Variants in ASMTL observed in about 807,000 individuals in gnomAD.
ASMTL encodes the protein acetylserotonin O-methyltransferase like, also known as probable bifunctional dTTP/UTP pyrophosphatase/methyltransferase protein.
Under a neutral mutation model 60.3 loss-of-function variants are expected in ASMTL, and 57 were observed. That is an observed-to-expected ratio of 0.95 (90% CI 0.76 to 1.18). The LOEUF (loss-of-function observed/expected upper bound fraction) is 1.18. Among genes scored for constraint, ASMTL ranks in the 50% most tolerant of loss-of-function variants. ASMTL has a pLI of 0.00. For missense variants in ASMTL, 981 were observed against 852.6 expected (o/e 1.15, Z -1.88); for synonymous variants, 419 against 373.0 (o/e 1.12, Z -1.42).
In ASMTL at chrX:1,421,653, G is replaced by A; in HGVS notation, c.1245+5C>T. ...GGAAAGGTGTCCGCGGGGGTGTTAT[G>A]CTACCTGGAACAGATCTTCCGCCTT... On this transcript the variant is annotated splice_donor_5th_base_variant and intron_variant, in intron 9 of 12. Coordinates refer to ENST00000381317, the MANE Select transcript of ASMTL (RefSeq NM_004192.4). 6.2e-7 allele frequency: 1 copy of A among 1,613,860 alleles called. No individual in the cohort carries two copies. Among genetic ancestry groups the A allele is most frequent in the South Asian group, 1.1e-5 (1 of 91,064 alleles).
intron 11 of ASMTL, among the ~76,000 whole-genome samples, chrX:1,414,568 C>T (rs765153246): frequency 4.6e-5 from 7 of 152,114 alleles, no homozygotes; most frequent in East Asian, 1.9e-4. Context: ...GTTAGCCAGG[C>T]GTGGTGGCGG....
At chrX:1,416,603 C>T (rs1187260046) in intron 11 of ASMTL, among the ~76,000 whole-genome samples, 1 of 119,646 alleles carries the variant, frequency 8.4e-6, no homozygotes, top group Non-Finnish European at 1.9e-5. Context: ...ACACATATAC[C>T]CACACAGACG....
rs1411562586 is a variant in ASMTL, at chrX:1,428,135, G to A, written c.510-14C>T. On this transcript the variant is annotated splice_polypyrimidine_tract_variant and intron_variant, in intron 6 of 12. Coordinates refer to ENST00000381317, the MANE Select transcript of ASMTL (RefSeq NM_004192.4). ...CCAGCTTTGTCCCTGGGTGGGCAGG[G>A]GAAGGTAAGAGGTGACAAGGAGGAG... 1 of 1,594,596 alleles carries A rather than the reference G, an allele frequency of 6.3e-7. No individual in the cohort carries two copies. The highest frequency in any genetic ancestry group is 8.6e-7 in the Non-Finnish European group (1 of 1,166,818).
intron 5 of ASMTL, among the ~76,000 whole-genome samples, chrX:1,432,600 C>T (rs1475268567): frequency 1.3e-5 from 2 of 152,178 alleles, no homozygotes; most frequent in African/African-American, 2.4e-5. Flanking sequence ...GAGGCCGAGG[C>T]GGGTGGATCA....
chrX:1,418,141 T>A, intron 10 of ASMTL, 25 bp from the exon 11 acceptor site: 1 of 1,571,996 alleles, frequency 6.4e-7, no homozygotes, highest in East Asian at 2.3e-5. Context: ...ATGCATGCTC[T>A]GTGGCTGGGT....
intron 3 of ASMTL, among the ~76,000 whole-genome samples, chrX:1,437,284 T>C (rs753735302): frequency 6.6e-6 from 1 of 151,802 alleles, no homozygotes; most frequent in South Asian, 2.1e-4. Flanking sequence ...TCTGTGTGTG[T>C]CTGTGTCCTT....
At chrX:1,431,960 C>G in intron 6 of ASMTL, 2 of 440,294 alleles carry the variant, frequency 4.5e-6, no homozygotes, top group East Asian at 4.0e-5. Flanking sequence ...GGGCACAGAC[C>G]TCTGGGGTCT....
At chrX:1,416,758 GAC>G (rs1361137541) in intron 11 of ASMTL, among the ~76,000 whole-genome samples, 15 of 116,308 alleles carry the variant, frequency 1.3e-4, no homozygotes, top group African/African-American at 3.2e-4. Flanking sequence ...TGCACACACA[GAC>G]ACATGCACAC....
chrX:1,451,839 C>T (rs1428249503), intron 1 of ASMTL, among the ~76,000 whole-genome samples: 2 of 147,436 alleles, frequency 1.4e-5, no homozygotes, highest in African/African-American at 2.5e-5. Context: ...TTACTCTCCC[C>T]ATCCCCATCC....
intron 6 of ASMTL, among the ~76,000 whole-genome samples, chrX:1,431,239 A>C (rs2090774500): frequency 7.9e-6 from 1 of 127,106 alleles, no homozygotes; most frequent in Non-Finnish European, 1.6e-5. Flanking sequence ...AATTATATTT[A>C]TATATAATTA....
intron 12 of ASMTL, among the ~76,000 whole-genome samples, chrX:1,412,232 G>A (rs757562696): frequency 5.4e-4 from 82 of 151,234 alleles, no homozygotes; most frequent in African/African-American, 1.8e-3. Context: ...TTTTTGTTGT[G>A]GTTGTTCTTT....
Position 1,435,753 on chromosome X carries a change from G to A in ASMTL, c.279C>T (p.Val93=), listed in dbSNP as rs755943746. 1.1e-5 allele frequency: 17 copies of A among 1,613,376 alleles called. No homozygotes were observed. The highest frequency in any genetic ancestry group is 4.5e-5 in the East Asian group (2 of 44,882). The change falls in exon 4 of 13, where the codon GTC becomes GTT. Residue 93 remains valine, a synonymous_variant. Coordinates refer to ENST00000381317, the MANE Select transcript of ASMTL (RefSeq NM_004192.4). ...CCGGCTTCTCCAGAATCAGCCCCCC[G>A]ACTGTCTGTGAGAGGAAGGGACAGA... is the stretch of plus-strand genomic sequence containing the variant. ...VVIGADTIVT[V]GGLILEKPVD... is the part of the protein sequence containing the mutation.
chrX:1,438,206 C>T (rs755767830), intron 3 of ASMTL, among the ~76,000 whole-genome samples: 97 of 152,038 alleles, frequency 6.4e-4, no homozygotes, highest in African/African-American at 2.3e-3. Context: ...TCGCTTGAAC[C>T]CGGGAGGCGG....
intron 2 of ASMTL, among the ~76,000 whole-genome samples, chrX:1,440,071 T>C (rs2091070049): frequency 6.7e-6 from 1 of 149,690 alleles, no homozygotes; most frequent in Non-Finnish European, 1.5e-5. Context: ...GCCTTACCTC[T>C]AATGTATTTC....
At position 1,419,099 on chromosome X, in the gene ASMTL, T is replaced by G; in HGVS notation, c.1261A>C (p.Ser421Arg). The change falls in exon 10 of 13, where the codon AGC becomes CGC. Residue 421 changes from serine (S) to arginine (R), a missense_variant. Transcript: ENST00000381317. The stretch of plus-strand genomic sequence containing the variant: ...ATGAACCTCAGCCGCGTCTCCGGGC[T>G]CTGGTAGTACGCATCCTGGAACACA... Reference protein sequence around the residue: ...EDLFQDAYYQSPETRLRFMRA... With the variant: ...EDLFQDAYYQRPETRLRFMRA... 6.2e-7 allele frequency: 1 copy of G among 1,611,270 alleles called. No homozygotes were observed. The highest frequency in any genetic ancestry group is 2.2e-5 in the East Asian group (1 of 44,830).
intron 3 of ASMTL, among the ~76,000 whole-genome samples, chrX:1,436,942 GAAGGGCGAGATCC>G (rs1209126632): frequency 6.6e-6 from 1 of 152,220 alleles, no homozygotes; most frequent in Non-Finnish European, 1.5e-5. Flanking sequence ...GTGGAGACTG[GAAGGGCGAGATCC>G]AGGTGTGGGC....
rs777427259 is a variant in ASMTL, at chrX:1,452,859, CGG to C, written c.-21_-20del. 1 of 1,543,422 alleles carries C rather than the reference CGG, an allele frequency of 6.5e-7. No homozygotes were observed. The highest frequency in any genetic ancestry group is 8.7e-7 in the Non-Finnish European group (1 of 1,152,530). On this transcript the variant is annotated 5_prime_UTR_variant, in exon 1 of 13. Transcript: ENST00000381317. ...GCACCATGGCGTCCACGCCGGGAGC[CGG>C]GCGTCCGCACTTCTGAGCCCGGAGC...
chrX:1,428,187 C>CGGCTGGGAGGCGGAGGTGG, intron 6 of ASMTL, 66 bp from the exon 7 acceptor site: 2 of 1,530,314 alleles, frequency 1.3e-6, no homozygotes, highest in Non-Finnish European at 8.8e-7. Context: ...GAACATTTCA[C>CGGCTGGGAGGCGGAGGTGG]GGCTGGGAGG....
intron 8 of ASMTL, among the ~76,000 whole-genome samples, chrX:1,424,362 G>C (rs1443840685): frequency 1.1e-3 from 40 of 37,466 alleles, no homozygotes; most frequent in Middle Eastern, 0.025. Flanking sequence ...TGATATATCT[G>C]TTCATCCACC....
Sources: gnomAD v4.1 joint callset for allele counts (sites outside exome capture counted in the v4.1 genomes callset) on GRCh38, gnomAD v4.1.1 for gene constraint, MANE v1.5 for transcripts, NCBI Gene and HGNC (gene_info 2026-07-23, HGNC 2026-07-21) for gene names.